Variants in HDAC9 observed in about 807,000 individuals in gnomAD.
The protein encoded by HDAC9 is histone deacetylase 9, also known as MEF-2 interacting transcription repressor (MITR) protein.
HDAC9 carries 41 observed loss-of-function variants against 139.4 expected under a neutral mutation model. The ratio of observed to expected loss-of-function variants is 0.29; its 90% CI spans 0.23 to 0.38. The LOEUF is 0.38. Among genes scored for constraint, HDAC9 ranks in the 10% least tolerant of loss-of-function variants. The pLI is 1.00. For missense variants in HDAC9, 1,147 were observed against 1,297.0 expected, an observed-to-expected ratio of 0.88 and a Z score of 1.78; for synonymous variants, 517 against 476.2, an observed-to-expected ratio of 1.09 and a Z score of -1.12.
intron 2 of HDAC9, among the ~76,000 whole-genome samples, chr7:18,526,184 A>G (rs1181868739): frequency 6.6e-6 from 1 of 152,162 alleles, no homozygotes; most frequent in Non-Finnish European, 1.5e-5. Flanking sequence ...AATTTATACT[A>G]TTTTGTTGGA....
At chr7:18,211,146 A>G (rs1034053044) in intron 2 of HDAC9, among the ~76,000 whole-genome samples, 8 of 152,212 alleles carry the variant, frequency 5.3e-5, no homozygotes, top group African/African-American at 1.9e-4. Flanking sequence ...TGATTTAGGA[A>G]TCCCATCAGT....
At chr7:18,672,751 C>T (rs931384382) in intron 12 of HDAC9, among the ~76,000 whole-genome samples, 1 of 152,098 alleles carries the variant, frequency 6.6e-6, no homozygotes, top group Non-Finnish European at 1.5e-5. Context: ...AAATATTCTT[C>T]TATGCATTTA....
intron 2 of HDAC9, among the ~76,000 whole-genome samples, chr7:18,247,864 T>C (rs1362744227): frequency 1.3e-5 from 2 of 152,186 alleles, no homozygotes; most frequent in East Asian, 3.9e-4. Context: ...ATAATAAGCT[T>C]AATATTTTAC....
chr7:18,577,296 C>T (rs1826287655), intron 2 of HDAC9, among the ~76,000 whole-genome samples: 1 of 152,168 alleles, frequency 6.6e-6, no homozygotes, highest in South Asian at 2.1e-4. Context: ...TTGTAGAGTC[C>T]AATCACAAGT....
chr7:18,382,781 C>T (rs1172651212), intron 1 of HDAC9, among the ~76,000 whole-genome samples: 3 of 152,074 alleles, frequency 2.0e-5, no homozygotes, highest in African/African-American at 4.8e-5. Context: ...TATTTGGAAA[C>T]AGTTATAGAC....
At chr7:18,205,630 A>G (rs1184094924) in intron 2 of HDAC9, among the ~76,000 whole-genome samples, 2 of 152,114 alleles carry the variant, frequency 1.3e-5, no homozygotes, top group Non-Finnish European at 1.5e-5. Flanking sequence ...CTAATTTATT[A>G]TATCTACAAA....
At chr7:18,245,358 T>C (rs1223285112) in intron 2 of HDAC9, among the ~76,000 whole-genome samples, 5 of 152,196 alleles carry the variant, frequency 3.3e-5, no homozygotes, top group African/African-American at 1.2e-4. Context: ...TTTCTATGTA[T>C]CTGGAAGCTC....
At chr7:18,276,833 G>T (rs1796756031) in intron 2 of HDAC9, among the ~76,000 whole-genome samples, 1 of 152,052 alleles carries the variant, frequency 6.6e-6, no homozygotes, top group Non-Finnish European at 1.5e-5. Flanking sequence ...CATTTTAATA[G>T]GACAATATTT....
At chr7:18,789,335 C>T (rs1162566798) in intron 16 of HDAC9, among the ~76,000 whole-genome samples, 1 of 151,866 alleles carries the variant, frequency 6.6e-6, no homozygotes, top group East Asian at 1.9e-4. Flanking sequence ...CTCTTTCTCC[C>T]TTTCTCTCTC....
intron 22 of HDAC9, among the ~76,000 whole-genome samples, chr7:18,902,682 C>T (rs1801839821): frequency 6.6e-6 from 1 of 152,156 alleles, no homozygotes; most frequent in Non-Finnish European, 1.5e-5. Context: ...ATGCTTACCT[C>T]AGGATATCTT....
intron 23 of HDAC9, among the ~76,000 whole-genome samples, chr7:18,945,130 C>A (rs1782284698): frequency 6.6e-6 from 1 of 152,152 alleles, no homozygotes; most frequent in African/African-American, 2.4e-5. Context: ...GTGGCAGTTA[C>A]AATTTGTACT....
intron 23 of HDAC9, among the ~76,000 whole-genome samples, chr7:18,937,354 A>AC (rs1781716834): frequency 6.6e-6 from 1 of 152,092 alleles, no homozygotes; most frequent in African/African-American, 2.4e-5. Context: ...TTAATTTTAG[A>AC]CAGCACAGTA....
At chr7:18,748,954 A>G in intron 13 of HDAC9, 51 bp from the exon 14 acceptor site, 2 of 1,546,156 alleles carry the variant, frequency 1.3e-6, no homozygotes, top group Non-Finnish European at 1.8e-6. Context: ...AACATGTGTC[A>G]TTATCTTGTA....
chr7:18,853,349 T>C (rs1479118568), intron 21 of HDAC9, among the ~76,000 whole-genome samples: 1 of 151,386 alleles, frequency 6.6e-6, no homozygotes. Flanking sequence ...TTAAATCCAT[T>C]AGGAAAAAAA....
intron 2 of HDAC9, among the ~76,000 whole-genome samples, chr7:18,175,834 G>A (rs1281234525): frequency 7.4e-6 from 1 of 134,266 alleles, no homozygotes; most frequent in African/African-American, 2.8e-5. Flanking sequence ...TGCTGCTTAT[G>A]ATAGATGGTT....
At chr7:18,656,297 C>G (rs1791149201) in intron 11 of HDAC9, among the ~76,000 whole-genome samples, 1 of 152,050 alleles carries the variant, frequency 6.6e-6, no homozygotes. Context: ...ATATAAAGTC[C>G]TGCAACAGTC....
chr7:18,628,598 C>T (rs1310578419), intron 6 of HDAC9, among the ~76,000 whole-genome samples: 1 of 152,066 alleles, frequency 6.6e-6, no homozygotes. Flanking sequence ...AATAGTGAAG[C>T]TCTGTAATAA....
chr7:18,103,192 G>C (rs752930104), intron 1 of HDAC9, among the ~76,000 whole-genome samples: 1 of 152,146 alleles, frequency 6.6e-6, no homozygotes, highest in Non-Finnish European at 1.5e-5. Flanking sequence ...CATGGGAACA[G>C]TATGGGGGAA....
chr7:18,202,678 A>C (rs895037424), intron 2 of HDAC9, among the ~76,000 whole-genome samples: 4 of 152,230 alleles, frequency 2.6e-5, no homozygotes, highest in Non-Finnish European at 5.9e-5. Context: ...ATGATTATTA[A>C]GATGAATTCT....
Sources: gnomAD v4.1 joint callset for allele counts (sites outside exome capture counted in the v4.1 genomes callset) on GRCh38, gnomAD v4.1.1 for gene constraint, MANE v1.5 for transcripts, NCBI Gene and HGNC (gene_info 2026-07-23, HGNC 2026-07-21) for gene names.